The following SUPT3H variants were observed in gnomAD, a reference collection of about 807,000 sequenced individuals.
SUPT3H encodes SPT3 homolog, SAGA and STAGA complex component.
A neutral mutation model predicts 44.3 loss-of-function variants in SUPT3H; 44 were observed. The observed-to-expected ratio is 0.99, with a 90% CI of 0.78 to 1.28. The LOEUF (loss-of-function observed/expected upper bound fraction) is 1.28. Ranked by LOEUF, SUPT3H falls within the 50% of genes most tolerant of loss-of-function variation. SUPT3H has a pLI of 0.00. For missense variants in SUPT3H, 380 were observed against 387.1 expected, an observed-to-expected ratio of 0.98 and a Z score of 0.15; for synonymous variants, 124 against 125.6, an observed-to-expected ratio of 0.99 and a Z score of 0.09.
At chr6:44,974,223 A>G (rs1777992365) in intron 6 of SUPT3H, among the ~76,000 whole-genome samples, 1 of 151,910 alleles carries the variant, frequency 6.6e-6, no homozygotes, top group African/African-American at 2.4e-5. Context: ...GTATTTGTGT[A>G]TATATATATT....
chr6:45,196,877 T>A (rs1816125870), intron 2 of SUPT3H, among the ~76,000 whole-genome samples: 1 of 151,882 alleles, frequency 6.6e-6, no homozygotes, highest in South Asian at 2.1e-4. Flanking sequence ...ACTTACAGTG[T>A]TGCTATATTA....
intron 3 of SUPT3H, among the ~76,000 whole-genome samples, chr6:45,081,194 A>G (rs114807183): frequency 0.017 from 2,655 of 152,106 alleles, 51 homozygotes; most frequent in South Asian, 0.084. Context: ...AACAATGCCT[A>G]CATAATCTGG....
chr6:45,169,182 G>A (rs541038114), intron 2 of SUPT3H, among the ~76,000 whole-genome samples: 127 of 152,206 alleles, frequency 8.3e-4, no homozygotes, highest in Non-Finnish European at 1.6e-3. Flanking sequence ...ACAGATGAGG[G>A]AAAATATTAA....
chr6:45,160,119 A>G (rs1583916772), intron 2 of SUPT3H, among the ~76,000 whole-genome samples: 1 of 152,244 alleles, frequency 6.6e-6, no homozygotes. Flanking sequence ...AGCCAAGGTC[A>G]TTAACAAGGA....
At chr6:44,811,549 A>T (rs1766524806) in intron 11 of SUPT3H, among the ~76,000 whole-genome samples, 1 of 152,204 alleles carries the variant, frequency 6.6e-6, no homozygotes, top group Non-Finnish European at 1.5e-5. Flanking sequence ...CCAAAAGGGA[A>T]ATGTATGCAG....
chr6:45,069,836 T>C (rs1167955759), intron 3 of SUPT3H, among the ~76,000 whole-genome samples: 1 of 149,546 alleles, frequency 6.7e-6, no homozygotes, highest in Non-Finnish European at 1.5e-5. Context: ...TTTCTGCAGG[T>C]CTCAGATAAC....
intron 2 of SUPT3H, among the ~76,000 whole-genome samples, chr6:45,174,191 G>GTGGT (rs1304536143): frequency 6.6e-6 from 1 of 152,188 alleles, no homozygotes; most frequent in East Asian, 1.9e-4. Context: ...AGTGGTTACA[G>GTGGT]TGGTTAAGAG....
In SUPT3H at chr6:45,039,858, T is replaced by A. The variant is rs202009496; in HGVS notation, c.187-19226A>T. Reference sequence around the variant, plus strand: ...ACCTAATCACAGCAAAAAAAAAAAATTTTGCTAGATAAATAGGGTTTATCT... The same window carrying A: ...ACCTAATCACAGCAAAAAAAAAAAAATTTGCTAGATAAATAGGGTTTATCT... On this transcript the variant is annotated intron_variant, in intron 3 of 10. Coordinates refer to ENST00000371459, the MANE Select transcript of SUPT3H (RefSeq NM_003599.4). 4.1e-3 allele frequency among the ~76,000 whole-genome samples: 229 copies of A among 56,498 alleles called. 1 individual carries two copies. Among genetic ancestry groups the A allele is most frequent in the East Asian group, 0.035 (80 of 2,254 alleles). 37.1% of individuals were successfully genotyped at this position (56,498 alleles called of 152,430 possible). A position where few individuals can be genotyped will look rare whatever the true frequency, so the allele number is the denominator to read the frequency against.
intron 2 of SUPT3H, among the ~76,000 whole-genome samples, chr6:45,351,013 G>A (rs115650307): frequency 0.011 from 1,598 of 152,154 alleles, 30 homozygotes; most frequent in African/African-American, 0.036. Context: ...TAAGTTCTGC[G>A]CTCCTTATGA....
chr6:45,305,459 T>A (rs910176632), intron 2 of SUPT3H, among the ~76,000 whole-genome samples: 1 of 152,212 alleles, frequency 6.6e-6, no homozygotes, highest in Non-Finnish European at 1.5e-5. Flanking sequence ...CTAATAACAT[T>A]TGACAAAATG....
intron 9 of SUPT3H, among the ~76,000 whole-genome samples, chr6:44,950,798 C>CTT (rs11413627): frequency 1.4e-4 from 19 of 135,476 alleles, no homozygotes; most frequent in Admixed American, 2.9e-4. Flanking sequence ...CCATTTGGAT[C>CTT]TTTTTTTTTT....
chr6:45,069,843 T>G (rs1794095943), intron 3 of SUPT3H, among the ~76,000 whole-genome samples: 1 of 144,364 alleles, frequency 6.9e-6, no homozygotes, highest in Non-Finnish European at 1.5e-5. Context: ...AGGTCTCAGA[T>G]AACTTCCATG....
At chr6:44,880,517 C>T (rs1778049402) in intron 10 of SUPT3H, among the ~76,000 whole-genome samples, 1 of 152,096 alleles carries the variant, frequency 6.6e-6, no homozygotes. Flanking sequence ...GGATATTATC[C>T]AGGAGAACTT....
intron 2 of SUPT3H, among the ~76,000 whole-genome samples, chr6:45,326,215 T>C (rs1186299315): frequency 2.0e-5 from 3 of 151,918 alleles, no homozygotes; most frequent in Admixed American, 6.6e-5. Flanking sequence ...TTTCAGTGAA[T>C]GCTAATGTAG....
chr6:44,814,372 G>A (rs1766756463), intron 11 of SUPT3H, among the ~76,000 whole-genome samples: 1 of 152,164 alleles, frequency 6.6e-6, no homozygotes, highest in African/African-American at 2.4e-5. Flanking sequence ...AGGGTGCCCA[G>A]CAGAGGAGCA....
chr6:44,913,855 G>C (rs6458415), intron 10 of SUPT3H, among the ~76,000 whole-genome samples: 63,421 of 151,916 alleles, frequency 0.42, 13,615 homozygotes, highest in East Asian at 0.7. Flanking sequence ...TAAATGGATA[G>C]TGATGATTCA....
rs998526844 is a variant in SUPT3H at position 44,857,635 on chromosome 6, T to A, written c.913-27778A>T. Among the ~76,000 whole-genome samples, 11 of 152,332 alleles carry A rather than the reference T, an allele frequency of 7.2e-5. No individual in the cohort carries two copies. In the South Asian group the frequency reaches 1.5e-3, roughly 20 times the overall value. ...ATTTTCTTTAAAAGTTCTTTTCTAT[T>A]CTGGAGGCCCAGTTTTTACTTTTTA... is the stretch of plus-strand genomic sequence containing the variant. On this transcript the variant is annotated intron_variant, in intron 10 of 10. Coordinates refer to ENST00000371459, the MANE Select transcript of SUPT3H (RefSeq NM_003599.4).
intron 2 of SUPT3H, among the ~76,000 whole-genome samples, chr6:45,271,826 G>A (rs1194566135): frequency 6.6e-6 from 1 of 152,158 alleles, no homozygotes; most frequent in Non-Finnish European, 1.5e-5. Context: ...TGGGAGGGAG[G>A]CTGTACCCTG....
chr6:45,313,373 T>C (rs966915402), intron 2 of SUPT3H, among the ~76,000 whole-genome samples: 2 of 151,962 alleles, frequency 1.3e-5, no homozygotes, highest in Non-Finnish European at 2.9e-5. Context: ...TTTGAAAAGA[T>C]ATATAAGATT....
Sources: allele counts gnomAD v4.1 joint callset (sites outside exome capture counted in the v4.1 genomes callset), GRCh38; gene constraint gnomAD v4.1.1; transcripts MANE v1.5; gene names NCBI Gene and HGNC (gene_info 2026-07-23, HGNC 2026-07-21).